AGBL1: variants seen among roughly 807,000 people sequenced by gnomAD.
AGBL1 encodes cytosolic carboxypeptidase 4.
AGBL1 carries 130 observed loss-of-function variants against 118.9 expected under a neutral mutation model. That is an observed-to-expected ratio of 1.09 (90% CI 0.95 to 1.26). The LOEUF is 1.26. AGBL1 is among the 50% of genes most tolerant of loss of function. The pLI is 0.00. For synonymous variants in AGBL1, 555 were observed against 478.9 expected, an observed-to-expected ratio of 1.16 and a Z score of -2.08; for missense variants, 1,584 against 1,298.1, an observed-to-expected ratio of 1.22 and a Z score of -3.38.
At chr15:86,838,654 C>G (rs997021934) in intron 22 of AGBL1, among the ~76,000 whole-genome samples, 2 of 151,856 alleles carry the variant, frequency 1.3e-5, no homozygotes, top group Non-Finnish European at 2.9e-5. Flanking sequence ...GATGAGAATA[C>G]AGCAGCCAGG....
chr15:86,962,565 A>T (rs1321431785), intron 23 of AGBL1, among the ~76,000 whole-genome samples: 2 of 152,032 alleles, frequency 1.3e-5, no homozygotes, highest in Non-Finnish European at 2.9e-5. Flanking sequence ...ATTTTGCTTC[A>T]TAAAGCTCTC....
chr15:86,478,012 C>A (rs894884088), intron 18 of AGBL1, among the ~76,000 whole-genome samples: 1 of 152,064 alleles, frequency 6.6e-6, no homozygotes, highest in African/African-American at 2.4e-5. Context: ...TGCAAAAAGG[C>A]CTTTGACAAA....
At chr15:86,664,706 C>G (rs1596349118) in intron 21 of AGBL1, among the ~76,000 whole-genome samples, 1 of 151,960 alleles carries the variant, frequency 6.6e-6, no homozygotes, top group African/African-American at 2.4e-5. Flanking sequence ...AAGTAGGACC[C>G]TAAGAAACTA....
At chr15:86,519,380 A>T (rs1332777852) in intron 18 of AGBL1, among the ~76,000 whole-genome samples, 4 of 152,168 alleles carry the variant, frequency 2.6e-5, no homozygotes, top group African/African-American at 9.6e-5. Context: ...TTCTCCCCCC[A>T]TAGAAGGAGC....
At chr15:86,920,797 G>A (rs1314591349), downstream of AGBL1, among the ~76,000 whole-genome samples, 2 of 152,172 alleles carry the variant, frequency 1.3e-5, no homozygotes, top group African/African-American at 4.8e-5. Context: ...ACAGCTCCAG[G>A]TTTATGCCAG....
intron 17 of AGBL1, among the ~76,000 whole-genome samples, chr15:86,366,751 A>T (rs1025512342): frequency 6.6e-6 from 1 of 152,170 alleles, no homozygotes; most frequent in Non-Finnish European, 1.5e-5. Flanking sequence ...TCCTGGAATT[A>T]CTTCTGCCTC....
At chr15:87,007,022 A>G (rs2081512316) in intron 24 of AGBL1, among the ~76,000 whole-genome samples, 2 of 152,324 alleles carry the variant, frequency 1.3e-5, no homozygotes, top group African/African-American at 4.8e-5. Flanking sequence ...CTCTATCTGA[A>G]TAATACTCCA....
In AGBL1 at chr15:86,913,343, C is replaced by T. The variant is rs940640116; in HGVS notation, c.*6049C>T. 1 of 152,164 alleles carries T rather than the reference C, an allele frequency of 6.6e-6. No homozygotes were observed. Among genetic ancestry groups the T allele is most frequent in the African/African-American group, 2.4e-5 (1 of 41,416 alleles). 9.4% of individuals were successfully genotyped at this position (152,164 alleles called of 1,614,324 possible). ...GATGATTTTAGGCTCTACTGTCACA[C>T]AGATGTCAAGATGAAGGCCTTTTGG... On this transcript the variant is annotated 3_prime_UTR_variant, in exon 23 of 23. Coordinates refer to ENST00000614907, the MANE Select transcript of AGBL1 (RefSeq NM_001386094.1).
intron 21 of AGBL1, among the ~76,000 whole-genome samples, chr15:86,632,939 C>T (rs888666366): frequency 6.6e-6 from 1 of 151,956 alleles, no homozygotes; most frequent in Non-Finnish European, 1.5e-5. Flanking sequence ...CAATTATTAA[C>T]CAAAAAGCCT....
chr15:86,897,173 T>C (rs1322534238), intron 22 of AGBL1, among the ~76,000 whole-genome samples: 1 of 152,224 alleles, frequency 6.6e-6, no homozygotes, highest in African/African-American at 2.4e-5. Context: ...TCTACTTACA[T>C]GCTTATATAC....
chr15:86,295,280 G>A lies in AGBL1; in HGVS notation c.2246G>A (p.Ser749Asn), dbSNP rs1361866580. The A allele has an allele frequency of 1.9e-6, 3 of 1,613,594 alleles. No individual in the cohort carries two copies. Among genetic ancestry groups the A allele is most frequent in the Admixed American group, 1.7e-5 (1 of 59,968 alleles). ...ACTCATCTTGACATCCTGGAAAAGA[G>A]TGTCAACCTCAAAGAGGTCTACTTC... ...LMTHLDILEK[S>N]VNLKEVYFRQ... The change falls in exon 17 of 23, where the codon AGT (serine) becomes AAT (asparagine). Residue 749 changes from serine to asparagine, a missense_variant. By Grantham distance (46) the Ser-to-Asn change is conservative. Transcript: ENST00000614907.
chr15:86,278,093 G>A (rs903970), intron 15 of AGBL1, among the ~76,000 whole-genome samples: 110,746 of 152,132 alleles, frequency 0.73, 41,342 homozygotes, highest in African/African-American at 0.88. Flanking sequence ...GCTTCTTTAC[G>A]TACTTTCTAA....
At chr15:86,499,260 C>T (rs1338560427) in intron 18 of AGBL1, among the ~76,000 whole-genome samples, 1 of 151,880 alleles carries the variant, frequency 6.6e-6, no homozygotes, top group Non-Finnish European at 1.5e-5. Context: ...TAATTTTTGC[C>T]TGGCATAGAA....
chr15:86,571,465 G>T (rs948416826), intron 21 of AGBL1, among the ~76,000 whole-genome samples: 1 of 152,124 alleles, frequency 6.6e-6, no homozygotes, highest in African/African-American at 2.4e-5. Context: ...CATAGTCAGG[G>T]TGTCCCAACA....
At position 86,911,936 on chromosome 15, in the gene AGBL1, A is replaced by G. The variant is rs2080357594; in HGVS notation, c.*4642A>G. ...TACCCACACCCCCATTCACCATTGA[A>G]TAGTGAGCTCTAAAGTGCACAAACC... On this transcript the variant is annotated 3_prime_UTR_variant, in exon 23 of 23. Transcript: ENST00000614907. The G allele has an allele frequency of 6.6e-6, 1 of 152,178 alleles. No homozygotes were observed. The highest frequency in any genetic ancestry group is 1.5e-5 in the Non-Finnish European group (1 of 68,042). 9.4% of individuals were successfully genotyped at this position (152,178 alleles called of 1,614,324 possible).
At chr15:86,988,247 A>G in intron 24 of AGBL1, 1 of 813,410 alleles carries the variant, frequency 1.2e-6, no homozygotes, top group Non-Finnish European at 1.9e-6. Flanking sequence ...GACAATGCCA[A>G]CTTCTTTTCC....
chr15:86,253,649 A>C (rs1319604605), intron 7 of AGBL1, among the ~76,000 whole-genome samples: 5 of 152,206 alleles, frequency 3.3e-5, no homozygotes, highest in Non-Finnish European at 7.3e-5. Context: ...AAAATAAATT[A>C]GAATTTTATT....
Position 86,273,778 on chromosome 15 carries a change from A to G in AGBL1, c.2075+2072A>G, listed in dbSNP as rs181327811. Reference sequence around the variant, plus strand: ...CCCAGATTTGGTGCCATGTTTTAAGAGGATGCCAGGGTGCTCACTGTGGGG... The same window carrying G: ...CCCAGATTTGGTGCCATGTTTTAAGGGGATGCCAGGGTGCTCACTGTGGGG... On this transcript the variant is annotated intron_variant, in intron 15 of 22. Coordinates refer to ENST00000614907, the MANE Select transcript of AGBL1 (RefSeq NM_001386094.1). Among the ~76,000 whole-genome samples, 839 of 152,282 alleles carry G rather than the reference A, an allele frequency of 5.5e-3. 5 individuals carry two copies. Among genetic ancestry groups the G allele is most frequent in the African/African-American group, 0.02 (811 of 41,548 alleles).
At chr15:86,220,118 A>T (rs957609368) in intron 5 of AGBL1, among the ~76,000 whole-genome samples, 1 of 151,732 alleles carries the variant, frequency 6.6e-6, no homozygotes, top group Non-Finnish European at 1.5e-5. Flanking sequence ...TGCCCAGCTA[A>T]TTTTTTGTAG....
Sources: gnomAD v4.1 joint callset for allele counts (sites outside exome capture counted in the v4.1 genomes callset) on GRCh38, gnomAD v4.1.1 for gene constraint, MANE v1.5 for transcripts, NCBI Gene and HGNC (gene_info 2026-07-23, HGNC 2026-07-21) for gene names.